Variants in FAM135A observed in about 807,000 individuals in gnomAD.
FAM135A encodes the protein protein FAM135A.
In FAM135A, 79 loss-of-function variants were observed where a neutral mutation model predicts 146.8. The observed-to-expected ratio is 0.54, with a 90% CI of 0.45 to 0.65. The LOEUF is 0.65. Ranked by LOEUF, FAM135A falls within the 30% of genes least tolerant of loss-of-function variation. The pLI is 0.00. For missense variants in FAM135A, 1,623 were observed against 1,758.2 expected, an observed-to-expected ratio of 0.92 and a Z score of 1.38; for synonymous variants, 562 against 603.6, an observed-to-expected ratio of 0.93 and a Z score of 1.01.
chr6:70,555,824 T>C (rs1475207556), intron 20 of FAM135A, among the ~76,000 whole-genome samples: 1 of 152,186 alleles, frequency 6.6e-6, no homozygotes, highest in African/African-American at 2.4e-5. Context: ...ATTTCATTTA[T>C]CTCCTTAGGA....
intron 4 of FAM135A, among the ~76,000 whole-genome samples, chr6:70,432,982 T>C (rs1340365039): frequency 1.3e-5 from 2 of 152,098 alleles, no homozygotes; most frequent in Non-Finnish European, 2.9e-5. Flanking sequence ...TTATACAGTT[T>C]ATAAATGGTA....
At chr6:70,559,425 G>C (rs1801538929) in intron 21 of FAM135A, among the ~76,000 whole-genome samples, 1 of 148,766 alleles carries the variant, frequency 6.7e-6, no homozygotes, top group African/African-American at 2.5e-5. Flanking sequence ...TGGGCAACAA[G>C]AGTGAAACTC....
intron 2 of FAM135A, among the ~76,000 whole-genome samples, chr6:70,424,456 A>G (rs979374729): frequency 5.3e-5 from 8 of 152,172 alleles, no homozygotes; most frequent in African/African-American, 1.9e-4. Flanking sequence ...TATGCACCCA[A>G]CATCTTTTGA....
At chr6:70,415,263 T>C (rs1030717935) in intron 1 of FAM135A, 28 bp from the exon 2 acceptor site, 2 of 152,212 alleles carry the variant, frequency 1.3e-5, no homozygotes, top group African/African-American at 4.8e-5. Context: ...GAAGCAATTA[T>C]GTTTAGTGAA....
In FAM135A at chr6:70,524,091, G is replaced by T; in HGVS notation, c.1228G>T (p.Glu410Ter). The change falls in exon 14 of 22, where the codon GAA (glutamate) becomes TAA (stop). Residue 410 changes from glutamate (E) to a stop codon, truncating the protein, a stop_gained. Coordinates refer to ENST00000418814, the MANE Select transcript of FAM135A (RefSeq NM_001162529.3). LOFTEE classifies it high-confidence loss of function. ...TCTCAATTCATTACCTATAATCTTT[G>T]AAGATAGGTATTTAGATTCAGTTAC... is the stretch of plus-strand genomic sequence containing the variant. ...GDLNSLPIIF[E>*]DRYLDSVTED... is the part of the protein sequence containing the mutation. 1 of 1,611,800 alleles carries T rather than the reference G, an allele frequency of 6.2e-7. No homozygotes were observed. The highest frequency in any genetic ancestry group is 1.1e-5 in the South Asian group (1 of 90,864).
At chr6:70,477,121 A>G (rs780621289) in intron 7 of FAM135A, 38 bp from the exon 8 acceptor site, 1 of 1,571,416 alleles carries the variant, frequency 6.4e-7, no homozygotes, top group Admixed American at 1.9e-5. Flanking sequence ...CGTTTACTAA[A>G]TGTTTCATAC....
intron 12 of FAM135A, among the ~76,000 whole-genome samples, chr6:70,514,812 A>C (rs952664305): frequency 4.6e-5 from 7 of 152,186 alleles, no homozygotes; most frequent in Non-Finnish European, 7.3e-5. Context: ...CACTTCCAAG[A>C]GCCCTCCCAG....
At chr6:70,453,032 T>C (rs1777475958) in intron 5 of FAM135A, among the ~76,000 whole-genome samples, 1 of 152,176 alleles carries the variant, frequency 6.6e-6, no homozygotes, top group African/African-American at 2.4e-5. Context: ...GAAATAGACA[T>C]GTTACAGCAG....
rs375970534 is a variant in FAM135A, at chr6:70,433,930, AAAGAAAAACT to A, written c.77+5513_77+5522del. On this transcript the variant is annotated intron_variant, in intron 4 of 21. Coordinates refer to ENST00000418814, the MANE Select transcript of FAM135A (RefSeq NM_001162529.3). ...CAGAAAGCTCAGATACTAACAATCT[AAAGAAAAACT>A]AGTTTTATTTTAATTTTACTCTATT... Among the ~76,000 whole-genome samples, 638 of 152,270 alleles carry A rather than the reference AAAGAAAAACT, an allele frequency of 4.2e-3. 4 individuals carry two copies. The highest frequency in any genetic ancestry group is 0.014 in the African/African-American group (602 of 41,554).
At chr6:70,542,952 T>C (rs1417161851) in intron 20 of FAM135A, among the ~76,000 whole-genome samples, 2 of 152,166 alleles carry the variant, frequency 1.3e-5, no homozygotes, top group Non-Finnish European at 2.9e-5. Context: ...ATCAACCTTT[T>C]ACCATACTCA....
At chr6:70,515,223 A>C (rs936421154) in intron 12 of FAM135A, among the ~76,000 whole-genome samples, 2 of 152,154 alleles carry the variant, frequency 1.3e-5, no homozygotes, top group Admixed American at 6.6e-5. Context: ...ACAAAACTGA[A>C]CATACTCTCA....
In FAM135A at chr6:70,538,386, C is replaced by A; in HGVS notation, c.4213C>A (p.Leu1405Ile). 6.7e-7 allele frequency: 1 copy of A among 1,487,566 alleles called. No individual in the cohort carries two copies. The highest frequency in any genetic ancestry group is 9.0e-7 in the Non-Finnish European group (1 of 1,109,658). The allele number at this position is 1,487,566 out of a possible 1,614,324, so 92.1% of individuals were successfully genotyped here. ...SDPRQTFLYK[L>I]SNKAGLHYFK... is the part of the protein sequence containing the mutation. ...CCCTCGCCAAACTTTTTTATATAAG[C>A]TTAGTAACAAAGCAGGTAAGTATAT... Residue 1405 changes from leucine to isoleucine, a missense_variant, in exon 20 of 22, where the codon CTT becomes ATT. Around this residue, in one of 7 missense-constraint regions of FAM135A, gnomAD observed 138 missense variants for 174.1 expected, o/e 0.79. Transcript: ENST00000418814.
At chr6:70,453,013 G>A (rs1353609117) in intron 5 of FAM135A, among the ~76,000 whole-genome samples, 2 of 152,082 alleles carry the variant, frequency 1.3e-5, no homozygotes, top group Non-Finnish European at 2.9e-5. Context: ...AGGCAATGTA[G>A]GAAGGTATGA....
chr6:70,491,172 T>C (rs922514791), intron 11 of FAM135A, 89 bp downstream of exon 11: 1 of 1,054,054 alleles, frequency 9.5e-7, no homozygotes, highest in South Asian at 1.5e-5. Context: ...AAACTTAAAG[T>C]ATTTATAGTT....
chr6:70,538,446 T>C (rs763940506), intron 20 of FAM135A, 45 bp downstream of exon 20: 2 of 1,122,988 alleles, frequency 1.8e-6, no homozygotes, highest in East Asian at 5.8e-5. Flanking sequence ...GTGAAAACTT[T>C]TTAAAAAATA....
intron 15 of FAM135A, among the ~76,000 whole-genome samples, chr6:70,527,105 A>G (rs940918909): frequency 9.9e-5 from 15 of 152,004 alleles, no homozygotes; most frequent in African/African-American, 3.6e-4. Context: ...GACAAAAGCC[A>G]AGTTTTATGA....
intron 2 of FAM135A, among the ~76,000 whole-genome samples, chr6:70,417,278 A>G (rs1049752273): frequency 4.7e-5 from 7 of 149,526 alleles, no homozygotes; most frequent in African/African-American, 1.7e-4. Context: ...TTTTTTTGAC[A>G]GAGTCCCACT....
At chr6:70,467,169 T>C (rs936604188) in intron 5 of FAM135A, among the ~76,000 whole-genome samples, 2 of 152,206 alleles carry the variant, frequency 1.3e-5, no homozygotes, top group African/African-American at 4.8e-5. Flanking sequence ...TTAACAGTTA[T>C]TTGGAAGTTC....
chr6:70,446,173 G>A (rs1775688307), intron 4 of FAM135A, among the ~76,000 whole-genome samples: 1 of 152,206 alleles, frequency 6.6e-6, no homozygotes, highest in South Asian at 2.1e-4. Flanking sequence ...AGACAAGTTT[G>A]TGGAGTGTCC....
Sources: gnomAD v4.1 joint callset for allele counts (sites outside exome capture counted in the v4.1 genomes callset) on GRCh38, gnomAD v4.1.1 for gene constraint, gnomAD v4.1.1 regional missense constraint, MANE v1.5 for transcripts, NCBI Gene and HGNC (gene_info 2026-07-23, HGNC 2026-07-21) for gene names.